CADM2: variants seen among roughly 807,000 people sequenced by gnomAD.
CADM2 encodes cell adhesion molecule 2, also known as immunoglobulin superfamily member 4D.
A neutral mutation model predicts 49.8 loss-of-function variants in CADM2; 12 were observed. The ratio of observed to expected loss-of-function variants is 0.24; its 90% CI spans 0.15 to 0.39. The LOEUF is 0.39. Ranked by LOEUF, CADM2 falls within the 10% of genes least tolerant of loss-of-function variation. CADM2 has a pLI of 1.00. For synonymous variants in CADM2, 214 were observed against 175.4 expected (o/e 1.22, Z -1.74); for missense variants, 378 against 492.3 (o/e 0.77, Z 2.20).
chr3:84,986,352 A>T (rs190411127), intron 1 of CADM2, among the ~76,000 whole-genome samples: 1 of 152,298 alleles, frequency 6.6e-6, no homozygotes, highest in East Asian at 1.9e-4. Context: ...TATGGGGGTC[A>T]TGTCTTCCTG....
intron 1 of CADM2, among the ~76,000 whole-genome samples, chr3:85,425,861 C>G (rs560522580): frequency 6.6e-6 from 1 of 152,296 alleles, no homozygotes; most frequent in African/African-American, 2.4e-5. Context: ...GGTAATCCAA[C>G]AAATAAACAG....
intron 8 of CADM2, among the ~76,000 whole-genome samples, chr3:85,988,098 A>G (rs1251454907): frequency 6.6e-6 from 1 of 152,198 alleles, no homozygotes; most frequent in African/African-American, 2.4e-5. Context: ...TGCCAGGACA[A>G]TAAATAAGAG....
chr3:84,995,385 C>T (rs1294817372), intron 1 of CADM2, among the ~76,000 whole-genome samples: 1 of 152,174 alleles, frequency 6.6e-6, no homozygotes, highest in Admixed American at 6.5e-5. Context: ...TTAATAATTT[C>T]TGGGATTAAT....
chr3:85,053,082 A>G (rs1030632837), intron 1 of CADM2, among the ~76,000 whole-genome samples: 18 of 152,054 alleles, frequency 1.2e-4, no homozygotes, highest in African/African-American at 4.3e-4. Context: ...TTTCCAGTGG[A>G]ATATCAAATA....
chr3:85,412,995 G>A (rs1242612190), intron 1 of CADM2, among the ~76,000 whole-genome samples: 3 of 151,284 alleles, frequency 2.0e-5, no homozygotes, highest in African/African-American at 4.9e-5. Context: ...CAAAAAATTA[G>A]CCAGGCGAGG....
intron 1 of CADM2, among the ~76,000 whole-genome samples, chr3:85,196,525 A>G (rs1407203141): frequency 1.3e-5 from 2 of 151,952 alleles, no homozygotes; most frequent in South Asian, 2.1e-4. Context: ...TCCCAAAGCT[A>G]GGAGGACATG....
intron 1 of CADM2, among the ~76,000 whole-genome samples, chr3:85,600,965 C>T (rs747189046): frequency 1.1e-4 from 17 of 150,032 alleles, no homozygotes; most frequent in South Asian, 2.1e-4. Context: ...TTTGAGAAAA[C>T]GAGAACACAG....
chr3:84,993,494 T>C (rs903343675), intron 1 of CADM2, among the ~76,000 whole-genome samples: 5 of 152,154 alleles, frequency 3.3e-5, no homozygotes, highest in African/African-American at 9.7e-5. Flanking sequence ...TGGTCCTAGT[T>C]GACCCTGTAA....
chr3:86,065,702 G>T lies in CADM2; in HGVS notation c.1068G>T (p.Leu356=), dbSNP rs1335456320. 6.2e-6 allele frequency: 10 copies of T among 1,613,794 alleles called. No homozygotes were observed. The highest frequency in any genetic ancestry group is 1.6e-4 in the Middle Eastern group (1 of 6,078). The change falls in exon 9 of 10, where the codon CTG becomes CTT. Residue 356 remains leucine, a synonymous_variant. Coordinates refer to ENST00000383699, the MANE Select transcript of CADM2 (RefSeq NM_001167675.2). ...TTGTCACGCTGTGTTCTATCTTTCTGCTTGGTCGATATCTGGCAAGGCATA... is the reference window on the plus strand; with the variant it reads ...TTGTCACGCTGTGTTCTATCTTTCTTCTTGGTCGATATCTGGCAAGGCATA... ...VVFVTLCSIF[L]LGRYLARHKG...
In CADM2 at chr3:85,714,783, A is replaced by G. The variant is rs2067232119; in HGVS notation, c.62-11739A>G. ...TCTGCTTCTTTTCCCACCTCCTTTT[A>G]CTCCCCTCGTTAAGATGATGCTATA... On this transcript the variant is annotated intron_variant, in intron 1 of 9. Transcript: ENST00000383699. Among the ~76,000 whole-genome samples the G allele has an allele frequency of 2.0e-5, 3 of 150,400 alleles. No homozygotes were observed. The South Asian group carries it at 6.3e-4, about 32-fold the overall frequency.
chr3:85,633,987 G>T (rs114794294), intron 1 of CADM2, among the ~76,000 whole-genome samples: 2 of 151,928 alleles, frequency 1.3e-5, no homozygotes, highest in African/African-American at 4.8e-5. Context: ...CTGTGGAAGC[G>T]TATGATCGGA....
In CADM2 at chr3:85,863,170, G is replaced by A. The variant is rs75688689; in HGVS notation, c.239-20121G>A. Reference sequence around the variant, plus strand: ...TAAGATGAAAGCATTTTATAAGCAGGTGATAGGCATGAATAGGGGAGTAGA... The same window carrying A: ...TAAGATGAAAGCATTTTATAAGCAGATGATAGGCATGAATAGGGGAGTAGA... On this transcript the variant is annotated intron_variant, in intron 3 of 9. Transcript: ENST00000383699. Among the ~76,000 whole-genome samples the A allele has an allele frequency of 7.1e-3, 1,086 of 152,248 alleles. 21 individuals are homozygous for A. The South Asian group carries it at 0.076, about 11-fold the overall frequency.
chr3:85,113,541 C>A (rs2200465), intron 1 of CADM2, among the ~76,000 whole-genome samples: 15,831 of 151,794 alleles, frequency 0.1, 1,736 homozygotes, highest in African/African-American at 0.28. Flanking sequence ...TCAGTTTAAA[C>A]AAAAATCAAA....
chr3:85,147,162 C>G (rs541606072), intron 1 of CADM2, among the ~76,000 whole-genome samples: 52 of 151,104 alleles, frequency 3.4e-4, no homozygotes, highest in Admixed American at 7.3e-4. Context: ...GTAGTCCCAG[C>G]TACTCAGGAG....
intron 1 of CADM2, among the ~76,000 whole-genome samples, chr3:85,463,301 T>A (rs1361442545): frequency 6.6e-6 from 1 of 152,182 alleles, no homozygotes; most frequent in Non-Finnish European, 1.5e-5. Flanking sequence ...TGATTTTGAA[T>A]GACATATTCT....
intron 1 of CADM2, among the ~76,000 whole-genome samples, chr3:85,668,922 A>G (rs1175584847): frequency 6.6e-6 from 1 of 152,144 alleles, no homozygotes; most frequent in Non-Finnish European, 1.5e-5. Flanking sequence ...GGAAGAAATG[A>G]ATATGGATTT....
intron 1 of CADM2, among the ~76,000 whole-genome samples, chr3:85,679,761 T>G (rs2065988500): frequency 6.6e-6 from 1 of 152,090 alleles, no homozygotes; most frequent in Non-Finnish European, 1.5e-5. Flanking sequence ...ATATAATGAC[T>G]ATTAGTAAAT....
intron 1 of CADM2, among the ~76,000 whole-genome samples, chr3:85,401,634 G>A (rs1032852373): frequency 1.3e-5 from 2 of 152,104 alleles, no homozygotes; most frequent in Non-Finnish European, 2.9e-5. Flanking sequence ...AGTTTCAATC[G>A]ATTTTCCCTC....
At chr3:85,550,140 G>T (rs2061765782) in intron 1 of CADM2, among the ~76,000 whole-genome samples, 1 of 152,118 alleles carries the variant, frequency 6.6e-6, no homozygotes, top group South Asian at 2.1e-4. Context: ...TGTAATGGTG[G>T]AACTAGAATT....
Sources: gnomAD v4.1 joint callset for allele counts (sites outside exome capture counted in the v4.1 genomes callset) on GRCh38, gnomAD v4.1.1 for gene constraint, MANE v1.5 for transcripts, NCBI Gene and HGNC (gene_info 2026-07-23, HGNC 2026-07-21) for gene names.